The following DLGAP3 variants were observed in gnomAD, a reference collection of about 807,000 sequenced individuals.
DLGAP3 encodes DLG associated protein 3.
Under a neutral mutation model 81.2 loss-of-function variants are expected in DLGAP3, and 17 were observed. The observed-to-expected ratio is 0.21, with a 90% CI of 0.14 to 0.31. The LOEUF (loss-of-function observed/expected upper bound fraction) is 0.31. Among genes scored for constraint, DLGAP3 ranks in the 10% least tolerant of loss-of-function variants. DLGAP3 has a pLI of 1.00. For synonymous variants in DLGAP3, 577 were observed against 587.4 expected (o/e 0.98, Z 0.26); for missense variants, 1,124 against 1,388.0 (o/e 0.81, Z 3.02).
intron 5 of DLGAP3, among the ~76,000 whole-genome samples, chr1:34,890,205 C>G (rs1445145011): frequency 6.6e-6 from 1 of 152,178 alleles, no homozygotes; most frequent in African/African-American, 2.4e-5. Context: ...TCATGGGCCA[C>G]ACCCCTAAAA....
rs748139786 is a variant in DLGAP3, at chr1:34,905,248, G to A, written c.136C>T (p.Arg46Cys). ...AGGCCAGCTCTCGGGGCACAGAAGC[G>A]GGGCTCGGTGGAGAAGGCCTCCCTG... is the stretch of plus-strand genomic sequence containing the variant. ...GSREAFSTEP[R>C]FCAPRAGLGH... The change falls in exon 3 of 12, where the codon CGC becomes TGC. Residue 46 changes from arginine to cysteine, a missense_variant. Arg to Cys is a radical substitution (Grantham distance 180, BLOSUM62 -3). Around this residue, in one of 9 missense-constraint regions of DLGAP3, gnomAD observed 167 missense variants for 172.1 expected, o/e 0.97. Transcript: ENST00000373347. 11 of 1,593,596 alleles carry A rather than the reference G, an allele frequency of 6.9e-6. No homozygotes were observed. Among genetic ancestry groups the A allele is most frequent in the South Asian group, 2.3e-5 (2 of 87,420 alleles).
Position 34,865,612 on chromosome 1 carries a change from G to A in DLGAP3, c.*471C>T, listed in dbSNP as rs1434706372. The stretch of plus-strand genomic sequence containing the variant: ...TGGTCCCTGGGCCCAGTGGGCAGAG[G>A]GCTGAGGATGGAGCCCCTGGGAGGG... On this transcript the variant is annotated 3_prime_UTR_variant, in exon 12 of 12. Transcript: ENST00000373347. The A allele has an allele frequency of 1.2e-5, 3 of 253,546 alleles. No individual in the cohort carries two copies. The highest frequency in any genetic ancestry group is 1.6e-5 in the Non-Finnish European group (2 of 128,516). 15.7% of individuals were successfully genotyped at this position (253,546 alleles called of 1,614,324 possible). A position where few individuals can be genotyped will look rare whatever the true frequency, so the allele number is the denominator to read the frequency against.
chr1:34,878,242 G>T (rs1490470921), intron 8 of DLGAP3, among the ~76,000 whole-genome samples: 1 of 152,104 alleles, frequency 6.6e-6, no homozygotes, highest in Non-Finnish European at 1.5e-5. Flanking sequence ...AGGAAGCGAG[G>T]TTGCAGTGAG....
chr1:34,880,521 A>T (rs1639128888), intron 8 of DLGAP3, among the ~76,000 whole-genome samples: 1 of 152,184 alleles, frequency 6.6e-6, no homozygotes, highest in Non-Finnish European at 1.5e-5. Context: ...ACCTGAGGTC[A>T]GAAGTTCGAG....
chr1:34,867,034 C>G lies in DLGAP3; in HGVS notation c.2721+14G>C, dbSNP rs1245840375. The G allele has an allele frequency of 6.2e-7, 1 of 1,613,986 alleles. No homozygotes were observed. Among genetic ancestry groups the G allele is most frequent in the Non-Finnish European group, 8.5e-7 (1 of 1,179,884 alleles). ...AGAGTCTGGCCTCTTTGCCTGAAGGCACCCCAGCCCCACCTTAGGCTCCAG... is the reference window on the plus strand; with the variant it reads ...AGAGTCTGGCCTCTTTGCCTGAAGGGACCCCAGCCCCACCTTAGGCTCCAG... On this transcript the variant is annotated intron_variant, in intron 11 of 11. Transcript: ENST00000373347. This position sits in a 1 kb window ranked among gnomAD's most constrained non-coding sequence, Gnocchi z 4.3.
chr1:34,881,462 T>C (rs1639143636), intron 8 of DLGAP3, among the ~76,000 whole-genome samples: 1 of 152,224 alleles, frequency 6.6e-6, no homozygotes, highest in Non-Finnish European at 1.5e-5. Context: ...TGCATCCCTC[T>C]TCCTCTTTAC....
Position 34,868,360 on chromosome 1 carries a change from G to A in DLGAP3, c.2485+245C>T, listed in dbSNP as rs542414078. On this transcript the variant is annotated intron_variant, in intron 9 of 11. Transcript: ENST00000373347. The surrounding 1 kb of genome is among the most constrained non-coding windows in gnomAD (Gnocchi z 7.5). Reference sequence around the variant, plus strand: ...CATAGAAGGCCCAGCCCTTTGGCCTGCAGTGTCTGCAGTCCCAGCCCTGGC... The same window carrying A: ...CATAGAAGGCCCAGCCCTTTGGCCTACAGTGTCTGCAGTCCCAGCCCTGGC... Among the ~76,000 whole-genome samples the A allele has an allele frequency of 1.3e-5, 2 of 152,324 alleles. No individual in the cohort carries two copies. Among genetic ancestry groups the A allele is most frequent in the Admixed American group, 1.3e-4 (2 of 15,308 alleles).
Position 34,900,389 on chromosome 1 carries a change from G to T in DLGAP3, c.1108-116C>A. ...GCCCTGGCTTGAACAGGCACACTCAGGTACATGCAGAGGCAGAAGGGGAGG... is the reference window on the plus strand; with the variant it reads ...GCCCTGGCTTGAACAGGCACACTCATGTACATGCAGAGGCAGAAGGGGAGG... On this transcript the variant is annotated intron_variant, in intron 3 of 11. Transcript: ENST00000373347. This position sits in a 1 kb window ranked among gnomAD's most constrained non-coding sequence, Gnocchi z 5.6. 9.3e-7 allele frequency: 1 copy of T among 1,074,950 alleles called. No individual in the cohort carries two copies. Among genetic ancestry groups the T allele is most frequent in the Non-Finnish European group, 1.4e-6 (1 of 707,638 alleles). The allele number at this position is 1,074,950 out of a possible 1,614,324, so 66.6% of individuals were successfully genotyped here.
intron 5 of DLGAP3, 92 bp downstream of exon 5, chr1:34,899,577 C>T: frequency 3.4e-6 from 4 of 1,168,864 alleles, no homozygotes; most frequent in East Asian, 4.7e-5. Context: ...GCTCTCTCCA[C>T]AGGCAGACCC....
rs556659455 is a variant in DLGAP3, at chr1:34,873,630, G to A, written c.2001-4541C>T. Among the ~76,000 whole-genome samples, 10 of 152,164 alleles carry A rather than the reference G, an allele frequency of 6.6e-5. No individual in the cohort carries two copies. The highest frequency in any genetic ancestry group is 1.3e-4 in the Non-Finnish European group (9 of 68,026). On this transcript the variant is annotated intron_variant, in intron 8 of 11. Coordinates refer to ENST00000373347, the MANE Select transcript of DLGAP3 (RefSeq NM_001080418.3). The surrounding 1 kb of genome is among the most constrained non-coding windows in gnomAD (Gnocchi z 4.2). ...AGGGAGCTGGACAAACACAATCATC[G>A]GAATGTAGCACTGAGAACCCGGCTA...
intron 1 of DLGAP3, among the ~76,000 whole-genome samples, 190 bp from the exon 2 acceptor site, chr1:34,907,627 A>C (rs1330208343): frequency 1.3e-5 from 2 of 152,234 alleles, no homozygotes; most frequent in Non-Finnish European, 2.9e-5. Context: ...AAATACATTC[A>C]AATGAGCTTA....
At chr1:34,879,020 C>T (rs1024253975) in intron 8 of DLGAP3, among the ~76,000 whole-genome samples, 2 of 148,994 alleles carry the variant, frequency 1.3e-5, no homozygotes, top group African/African-American at 2.5e-5. Flanking sequence ...TGCAGTGAGC[C>T]GAGATCGCGC....
intron 5 of DLGAP3, among the ~76,000 whole-genome samples, chr1:34,894,263 G>GAAAAAAAAAAAAA (rs765002347): frequency 1.9e-5 from 1 of 52,068 alleles, no homozygotes. Context: ...ATAAGATAAA[G>GAAAAAAAAAAAAA]CAAAAAAAAA....
chr1:34,917,462 C>T (rs1445146362), intron 1 of DLGAP3, among the ~76,000 whole-genome samples: 3 of 151,906 alleles, frequency 2.0e-5, no homozygotes, highest in African/African-American at 7.3e-5. Context: ...ATCCTCCTGC[C>T]TCAGCCTCCC....
At chr1:34,923,787 C>A (rs1639830473) in intron 1 of DLGAP3, among the ~76,000 whole-genome samples, 1 of 152,072 alleles carries the variant, frequency 6.6e-6, no homozygotes, top group Non-Finnish European at 1.5e-5. Context: ...TGAGTTACAT[C>A]AAAAACATGA....
chr1:34,911,718 C>T (rs970357644), intron 1 of DLGAP3, among the ~76,000 whole-genome samples: 42 of 152,162 alleles, frequency 2.8e-4, no homozygotes, highest in South Asian at 2.1e-4. Context: ...TTTCTTAAAC[C>T]GGAACTTGCT....
rs777124348 is a variant in DLGAP3 at position 34,905,282 on chromosome 1, C to G, written c.102G>C (p.Leu34=). ...DVGPAARAPY[L]LGSREAFSTE... ...TGGAGAAGGCCTCCCTGGAGCCCAG[C>G]AGGTATGGGGCCCTGGCAGCAGGGC... Residue 34 remains leucine, a synonymous_variant, in exon 3 of 12, where the codon CTG becomes CTC. Transcript: ENST00000373347. The G allele has an allele frequency of 1.5e-5, 23 of 1,574,254 alleles. No individual in the cohort carries two copies. Among genetic ancestry groups the G allele is most frequent in the Non-Finnish European group, 1.9e-5 (22 of 1,160,016 alleles).
chr1:34,897,229 G>A (rs1639391554), intron 5 of DLGAP3, among the ~76,000 whole-genome samples: 2 of 152,234 alleles, frequency 1.3e-5, no homozygotes, highest in East Asian at 3.9e-4. Context: ...ATACCTCCAG[G>A]CTAAATATGT....
Position 34,904,317 on chromosome 1 carries a change from G to A in DLGAP3, c.1067C>T (p.Pro356Leu), listed in dbSNP as rs768933071. Residue 356 changes from proline to leucine, a missense_variant, in exon 3 of 12, where the codon CCG becomes CTG. By Grantham distance (98) the Pro-to-Leu change is moderately conservative. This residue lies in a region of DLGAP3 where 357 missense variants were observed against 408.8 expected (regional missense o/e 0.87). Coordinates refer to ENST00000373347, the MANE Select transcript of DLGAP3 (RefSeq NM_001080418.3). The surrounding 1 kb of genome is among the most constrained non-coding windows in gnomAD (Gnocchi z 8.1). Reference protein sequence around the residue: ...GAGPGKGLLGPETKAKARTYH... With the variant: ...GAGPGKGLLGLETKAKARTYH... ...AGTCCTGGCTTTGGCCTTGGTCTCC[G>A]GACCCAGGAGCCCCTTGCCTGGCCC... The A allele has an allele frequency of 1.9e-5, 31 of 1,609,200 alleles. No homozygotes were observed. Among genetic ancestry groups the A allele is most frequent in the Admixed American group, 5.0e-5 (3 of 60,006 alleles).
Sources: gnomAD v4.1 joint callset for allele counts (sites outside exome capture counted in the v4.1 genomes callset) on GRCh38, gnomAD v4.1.1 for gene constraint, gnomAD v4.1.1 regional missense constraint, Gnocchi (gnomAD v3.1) non-coding constraint, MANE v1.5 for transcripts, NCBI Gene and HGNC (gene_info 2026-07-23, HGNC 2026-07-21) for gene names.